PHF14: variants seen among roughly 807,000 people sequenced by gnomAD.
PHF14 encodes PHD finger protein 14.
In PHF14, 55 loss-of-function variants were observed where a neutral mutation model predicts 117.9. The ratio of observed to expected loss-of-function variants is 0.47; its 90% CI spans 0.38 to 0.58. The LOEUF (loss-of-function observed/expected upper bound fraction) is 0.58, where lower values mean the gene tolerates loss of function less well. Ranked by LOEUF, PHF14 falls within the 20% of genes least tolerant of loss-of-function variation. The pLI, the probability that PHF14 is intolerant of heterozygous loss-of-function variation, is 0.00. For missense variants in PHF14, 978 were observed against 1,122.2 expected (o/e 0.87, Z 1.84); for synonymous variants, 409 against 368.6 (o/e 1.11, Z -1.26).
chr7:11,140,477 A>G (rs1372452508), intron 17 of PHF14, among the ~76,000 whole-genome samples: 1 of 152,122 alleles, frequency 6.6e-6, no homozygotes, highest in Non-Finnish European at 1.5e-5. Context: ...AGAAGCAAAT[A>G]TGTACAGTAT....
chr7:11,119,577 G>A (rs1464976593), intron 17 of PHF14, among the ~76,000 whole-genome samples: 1 of 151,642 alleles, frequency 6.6e-6, no homozygotes, highest in Non-Finnish European at 1.5e-5. Flanking sequence ...AATAGAAAAG[G>A]CTTAAATCCT....
intron 17 of PHF14, among the ~76,000 whole-genome samples, chr7:11,162,225 A>T (rs540270220): frequency 6.6e-6 from 1 of 151,246 alleles, no homozygotes; most frequent in South Asian, 2.1e-4. Context: ...AGTAGCTGGG[A>T]CTACAGGCAC....
intron 16 of PHF14, chr7:11,062,813 C>T: frequency 1.0e-6 from 1 of 985,106 alleles, no homozygotes; most frequent in African/African-American, 1.7e-5. Context: ...AAAAAGAGAG[C>T]TAATTTAAAA....
At chr7:11,106,514 C>A in intron 16 of PHF14, 1 of 958,318 alleles carries the variant, frequency 1.0e-6, no homozygotes, top group Non-Finnish European at 1.2e-6. Context: ...AAATGTTATT[C>A]CGTATTGGTA....
chr7:11,123,878 A>G (rs1787845989), intron 17 of PHF14, among the ~76,000 whole-genome samples: 1 of 151,720 alleles, frequency 6.6e-6, no homozygotes, highest in Non-Finnish European at 1.5e-5. Context: ...AGATCGTGCC[A>G]CTACACTCCA....
At chr7:11,108,162 T>G (rs1787331331) in intron 16 of PHF14, 2 of 151,770 alleles carry the variant, frequency 1.3e-5, no homozygotes, top group Non-Finnish European at 3.0e-5. Context: ...TAGAGTTCAC[T>G]TGTGTCCAGT....
At chr7:11,151,719 C>G (rs1788707004) in intron 17 of PHF14, among the ~76,000 whole-genome samples, 1 of 152,060 alleles carries the variant, frequency 6.6e-6, no homozygotes, top group African/African-American at 2.4e-5. Flanking sequence ...ATGCATGGCC[C>G]TAGCTCTGTA....
intron 3 of PHF14, among the ~76,000 whole-genome samples, chr7:10,985,645 T>TTG (rs1782196101): frequency 8.2e-6 from 1 of 121,362 alleles, no homozygotes; most frequent in African/African-American, 3.4e-5. Context: ...ACTGTTTTTT[T>TTG]TTTTTTTTTT....
chr7:11,049,881 C>T (rs894307267), intron 13 of PHF14, among the ~76,000 whole-genome samples: 8 of 152,108 alleles, frequency 5.3e-5, no homozygotes, highest in African/African-American at 1.9e-4. Flanking sequence ...AGGGGATAAC[C>T]TGCCAGCTAT....
intron 17 of PHF14, among the ~76,000 whole-genome samples, chr7:11,145,304 A>C (rs1788515311): frequency 6.7e-6 from 1 of 148,520 alleles, no homozygotes; most frequent in Non-Finnish European, 1.5e-5. Context: ...TCTTTTTTAA[A>C]ATTCCATTGG....
At chr7:11,140,103 T>A (rs1020526115) in intron 17 of PHF14, among the ~76,000 whole-genome samples, 3 of 152,120 alleles carry the variant, frequency 2.0e-5, no homozygotes, top group African/African-American at 7.2e-5. Context: ...CACATTTCTA[T>A]ACATGACTAC....
intron 17 of PHF14, among the ~76,000 whole-genome samples, chr7:11,132,925 G>A (rs535598406): frequency 1.3e-5 from 2 of 151,622 alleles, no homozygotes; most frequent in African/African-American, 4.8e-5. Context: ...GTCTATTCAA[G>A]TCTGAAATTT....
At position 11,133,029 on chromosome 7, in the gene PHF14, C is replaced by G. The variant is rs62440513; in HGVS notation, c.2772+21562C>G. 8.4e-3 allele frequency among the ~76,000 whole-genome samples: 1,282 copies of G among 151,836 alleles called. 11 individuals carry two copies. The highest frequency in any genetic ancestry group is 0.014 in the Non-Finnish European group (924 of 67,796). ...ATACACAAAACCTGTATGAGAGAAACTACAAAATTCTAATAAAAGAAATAA... is the reference window on the plus strand; with the variant it reads ...ATACACAAAACCTGTATGAGAGAAAGTACAAAATTCTAATAAAAGAAATAA... On this transcript the variant is annotated intron_variant, in intron 17 of 17. Transcript: ENST00000634607.
At chr7:11,142,308 A>T (rs1440360562) in intron 17 of PHF14, among the ~76,000 whole-genome samples, 1 of 152,006 alleles carries the variant, frequency 6.6e-6, no homozygotes, top group African/African-American at 2.4e-5. Context: ...TCTTATAGTG[A>T]TACACATAGC....
chr7:11,009,827 A>C (rs546048208), intron 4 of PHF14, among the ~76,000 whole-genome samples: 10 of 152,368 alleles, frequency 6.6e-5, no homozygotes, highest in African/African-American at 2.4e-4. Context: ...AGCTTGCACA[A>C]CACCATTCTT....
At chr7:11,021,571 A>G (rs1361961678) in intron 5 of PHF14, among the ~76,000 whole-genome samples, 1 of 152,200 alleles carries the variant, frequency 6.6e-6, no homozygotes, top group Non-Finnish European at 1.5e-5. Context: ...GTCAGTATGA[A>G]GCAAGCAGCC....
intron 16 of PHF14, among the ~76,000 whole-genome samples, chr7:11,073,603 C>G (rs1302554438): frequency 2.6e-5 from 4 of 152,164 alleles, no homozygotes; most frequent in Non-Finnish European, 4.4e-5. Context: ...CTCTACCATT[C>G]TAAGGTCTGG....
At chr7:11,105,857 T>C (rs779596747) in intron 16 of PHF14, 10 of 984,676 alleles carry the variant, frequency 1.0e-5, no homozygotes, top group Non-Finnish European at 1.2e-5. Context: ...CCAGCAATTA[T>C]CTCATTTATC....
chr7:11,157,758 T>C (rs541499576), intron 17 of PHF14, among the ~76,000 whole-genome samples: 78 of 152,334 alleles, frequency 5.1e-4, no homozygotes, highest in African/African-American at 1.8e-3. Context: ...ACTGTATGAT[T>C]CTACTAGCTG....
Sources: gnomAD v4.1 joint callset for allele counts (sites outside exome capture counted in the v4.1 genomes callset) on GRCh38, gnomAD v4.1.1 for gene constraint, MANE v1.5 for transcripts, NCBI Gene and HGNC (gene_info 2026-07-23, HGNC 2026-07-21) for gene names.